Variants in RSRC1 observed in about 807,000 individuals in gnomAD.
RSRC1 encodes arginine and serine rich coiled-coil 1.
A neutral mutation model predicts 49.1 loss-of-function variants in RSRC1; 39 were observed. The observed-to-expected ratio is 0.79, with a 90% CI of 0.61 to 1.04. RSRC1 has a LOEUF of 1.04. Ranked by LOEUF, RSRC1 falls within the 50% of genes least tolerant of loss-of-function variation. The pLI is 0.00. For missense variants in RSRC1, 388 were observed against 402.4 expected (o/e 0.96, Z 0.31); for synonymous variants, 143 against 130.8 (o/e 1.09, Z -0.63).
At chr3:158,445,603 T>C (rs1022817703) in intron 6 of RSRC1, among the ~76,000 whole-genome samples, 10 of 152,054 alleles carry the variant, frequency 6.6e-5, no homozygotes, top group Admixed American at 5.2e-4. Flanking sequence ...TGTATATATA[T>C]GTAACAAACC....
intron 5 of RSRC1, among the ~76,000 whole-genome samples, chr3:158,326,535 T>C (rs1301676024): frequency 1.3e-5 from 2 of 152,180 alleles, no homozygotes; most frequent in African/African-American, 4.8e-5. Context: ...ATTACATTTA[T>C]TGATTTGTGT....
At position 158,179,001 on chromosome 3, in the gene RSRC1, G is replaced by A. The variant is rs201668466; in HGVS notation, c.321-24071G>A. Among the ~76,000 whole-genome samples, 11 of 152,124 alleles carry A rather than the reference G, an allele frequency of 7.2e-5. No homozygotes were observed. The East Asian group carries it at 2.1e-3, about 29-fold the overall frequency. On this transcript the variant is annotated intron_variant, in intron 3 of 9. Coordinates refer to ENST00000611884, the MANE Select transcript of RSRC1 (RefSeq NM_001271838.2). Reference sequence around the variant, plus strand: ...ATATATTAATTTTATATTTTGCTAAGCTTGCTGAATTCTTTTATGGTTTGG... The same window carrying A: ...ATATATTAATTTTATATTTTGCTAAACTTGCTGAATTCTTTTATGGTTTGG...
intron 1 of RSRC1, among the ~76,000 whole-genome samples, chr3:158,121,148 C>T (rs1183779590): frequency 6.6e-6 from 1 of 151,808 alleles, no homozygotes; most frequent in African/African-American, 2.4e-5. Flanking sequence ...ATGGATACCA[C>T]TATAATAATG....
intron 3 of RSRC1, among the ~76,000 whole-genome samples, chr3:158,183,283 A>G (rs1309944790): frequency 2.0e-5 from 3 of 150,330 alleles, no homozygotes; most frequent in Non-Finnish European, 3.0e-5. Flanking sequence ...TTGAATTTTA[A>G]TTTAATTATT....
At chr3:158,376,624 G>A (rs1732391211) in intron 6 of RSRC1, among the ~76,000 whole-genome samples, 1 of 152,260 alleles carries the variant, frequency 6.6e-6, no homozygotes, top group African/African-American at 2.4e-5. Context: ...AACTACAGTA[G>A]TCATAGGGCT....
intron 3 of RSRC1, among the ~76,000 whole-genome samples, chr3:158,195,799 G>C (rs1021239346): frequency 1.3e-5 from 2 of 152,166 alleles, no homozygotes; most frequent in African/African-American, 4.8e-5. Context: ...TCAAACATCA[G>C]ATAGTTGTAG....
chr3:158,362,195 C>T (rs1455858326), intron 6 of RSRC1, among the ~76,000 whole-genome samples: 1 of 152,074 alleles, frequency 6.6e-6, no homozygotes, highest in East Asian at 1.9e-4. Flanking sequence ...CAAAAATTAG[C>T]CAGGCATGGT....
chr3:158,267,156 G>T (rs1335110850), intron 4 of RSRC1, among the ~76,000 whole-genome samples: 1 of 151,992 alleles, frequency 6.6e-6, no homozygotes, highest in East Asian at 1.9e-4. Context: ...TCATCACTTT[G>T]TATTGGTTGT....
chr3:158,484,083 A>T (rs570374577), intron 7 of RSRC1, among the ~76,000 whole-genome samples: 2 of 152,214 alleles, frequency 1.3e-5, no homozygotes, highest in South Asian at 4.1e-4. Flanking sequence ...GGCAAATTTA[A>T]AGTTGATTTT....
intron 6 of RSRC1, among the ~76,000 whole-genome samples, chr3:158,368,954 A>G (rs1731922063): frequency 6.6e-6 from 1 of 152,114 alleles, no homozygotes; most frequent in Non-Finnish European, 1.5e-5. Context: ...GAAATAATTA[A>G]TGTAATGAAA....
chr3:158,496,189 A>T (rs1290400993), intron 7 of RSRC1, among the ~76,000 whole-genome samples: 1 of 151,918 alleles, frequency 6.6e-6, no homozygotes, highest in Non-Finnish European at 1.5e-5. Context: ...ATGAATAGTT[A>T]CTCTTCCTCT....
intron 4 of RSRC1, among the ~76,000 whole-genome samples, chr3:158,277,834 A>G (rs767257817): frequency 2.6e-5 from 4 of 152,028 alleles, no homozygotes; most frequent in African/African-American, 4.8e-5. Context: ...GGCCAGGCTT[A>G]TATACTGTGG....
intron 6 of RSRC1, among the ~76,000 whole-genome samples, chr3:158,456,271 A>T (rs1186531790): frequency 4.0e-5 from 6 of 150,490 alleles, no homozygotes; most frequent in African/African-American, 1.5e-4. Context: ...CCTTGATTGA[A>T]CCAGTAGATG....
intron 3 of RSRC1, among the ~76,000 whole-genome samples, chr3:158,137,876 A>G (rs905082164): frequency 6.6e-6 from 1 of 151,910 alleles, no homozygotes; most frequent in African/African-American, 2.4e-5. Context: ...CTGGTCTCGA[A>G]TTCCTGACCT....
chr3:158,274,459 CT>C (rs147854791), intron 4 of RSRC1, among the ~76,000 whole-genome samples: 1 of 149,236 alleles, frequency 6.7e-6, no homozygotes, highest in African/African-American at 2.5e-5. Flanking sequence ...AGGATCTTTT[CT>C]TTTTTTTAAG....
intron 4 of RSRC1, chr3:158,276,197 A>C (rs1725801988): frequency 1.2e-6 from 1 of 815,670 alleles, no homozygotes; most frequent in African/African-American, 1.7e-5. Context: ...CACCCTTAGG[A>C]ACTGGGCATT....
chr3:158,478,230 T>G (rs1329056418), intron 7 of RSRC1, among the ~76,000 whole-genome samples: 15 of 151,942 alleles, frequency 9.9e-5, no homozygotes, highest in Non-Finnish European at 1.6e-4. Context: ...ACCTAGGTTT[T>G]GGGGTTTTTT....
intron 4 of RSRC1, among the ~76,000 whole-genome samples, chr3:158,273,038 A>T (rs1255795432): frequency 1.3e-5 from 2 of 152,130 alleles, no homozygotes; most frequent in South Asian, 4.1e-4. Context: ...AAAAAAAAGA[A>T]CCTGTTTTTG....
chr3:158,327,766 A>G (rs1729253349), intron 5 of RSRC1, among the ~76,000 whole-genome samples: 1 of 152,142 alleles, frequency 6.6e-6, no homozygotes, highest in African/African-American at 2.4e-5. Context: ...TGAAGAGCTG[A>G]GTTCAATTCC....
Sources: gnomAD v4.1 joint callset for allele counts (sites outside exome capture counted in the v4.1 genomes callset) on GRCh38, gnomAD v4.1.1 for gene constraint, MANE v1.5 for transcripts, NCBI Gene and HGNC (gene_info 2026-07-23, HGNC 2026-07-21) for gene names.